HECTD4: variants seen among roughly 807,000 people sequenced by gnomAD.
HECTD4 encodes probable E3 ubiquitin-protein ligase HECTD4.
HECTD4 carries 114 observed loss-of-function variants against 471.5 expected under a neutral mutation model. The observed-to-expected ratio is 0.24, with a 90% CI of 0.21 to 0.28. The LOEUF (loss-of-function observed/expected upper bound fraction) is 0.28, where lower values mean the gene tolerates loss of function less well. Among genes scored for constraint, HECTD4 ranks in the 10% least tolerant of loss-of-function variants. HECTD4 has a pLI of 1.00. For synonymous variants in HECTD4, 2,012 were observed against 2,256.0 expected (o/e 0.89, Z 3.07); for missense variants, 3,866 against 5,651.5 (o/e 0.68, Z 10.13).
rs1282601126 is a variant in HECTD4, at chr12:112,239,459, C to T, written c.5106-223G>A. On this transcript the variant is annotated intron_variant, in intron 33 of 75. Coordinates refer to ENST00000682272, the MANE Select transcript of HECTD4 (RefSeq NM_001388303.1). The surrounding 1 kb of genome is among the most constrained non-coding windows in gnomAD (Gnocchi z 4.9). Reference sequence around the variant, plus strand: ...TGGTTTGTTTATATACAGCAAAAATCGATGGAATCAACTCAATGTTGCCAT... The same window carrying T: ...TGGTTTGTTTATATACAGCAAAAATTGATGGAATCAACTCAATGTTGCCAT... Among the ~76,000 whole-genome samples, 1 of 152,136 alleles carries T rather than the reference C, an allele frequency of 6.6e-6. No individual in the cohort carries two copies. The highest frequency in any genetic ancestry group is 6.5e-5 in the Admixed American group (1 of 15,270).
At chr12:112,346,352 A>G (rs2036149742) in intron 1 of HECTD4, among the ~76,000 whole-genome samples, 1 of 152,176 alleles carries the variant, frequency 6.6e-6, no homozygotes, top group Admixed American at 6.5e-5. Context: ...GGCATCCCAG[A>G]AATTCTTTTC....
At chr12:112,286,880 G>A (rs527788178) in intron 7 of HECTD4, among the ~76,000 whole-genome samples, 31 of 152,092 alleles carry the variant, frequency 2.0e-4, no homozygotes, top group African/African-American at 7.0e-4. Flanking sequence ...AGCTACACTC[G>A]CCTTCTGTCA....
intron 1 of HECTD4, among the ~76,000 whole-genome samples, chr12:112,365,823 G>A: frequency 7.1e-6 from 1 of 141,220 alleles, no homozygotes; most frequent in South Asian, 2.2e-4. Flanking sequence ...CCAGGCTGGA[G>A]TGCAGTGGAG....
In HECTD4 at chr12:112,163,685, C is replaced by T; in HGVS notation, c.12754G>A (p.Glu4252Lys). Residue 4252 changes from glutamate to lysine, a missense_variant, in exon 74 of 76, where the codon GAG (glutamate) becomes AAG (lysine). By Grantham distance (56) the Glu-to-Lys change is moderately conservative. Coordinates refer to ENST00000682272, the MANE Select transcript of HECTD4 (RefSeq NM_001388303.1). The surrounding 1 kb of genome is among the most constrained non-coding windows in gnomAD (Gnocchi z 8.2). ...AAAIRSLRLR[E>K]LQNVECVTAV... ...GTCACGCACTCCACATTCTGCAGCT[C>T]CCGCAGCCGCAGGCTCCGGATGGCT... 1 of 1,520,150 alleles carries T rather than the reference C, an allele frequency of 6.6e-7. No homozygotes were observed. The highest frequency in any genetic ancestry group is 8.8e-7 in the Non-Finnish European group (1 of 1,133,718). 94.2% of individuals were successfully genotyped at this position (1,520,150 alleles called of 1,614,324 possible). A position where few individuals can be genotyped will look rare whatever the true frequency, so the allele number is the denominator to read the frequency against.
At chr12:112,244,849 G>C (rs1386536893) in intron 29 of HECTD4, among the ~76,000 whole-genome samples, 1 of 151,922 alleles carries the variant, frequency 6.6e-6, no homozygotes. Context: ...CTTTCTATAA[G>C]ATATACTCCT....
intron 2 of HECTD4, among the ~76,000 whole-genome samples, chr12:112,317,442 C>T (rs879879803): frequency 3.9e-5 from 6 of 152,120 alleles, no homozygotes; most frequent in Admixed American, 2.0e-4. Flanking sequence ...TAACTAAGAA[C>T]TTCATAATTA....
chr12:112,195,180 C>A (rs978805706), intron 55 of HECTD4, 114 bp from the exon 56 acceptor site: 2 of 850,104 alleles, frequency 2.4e-6, no homozygotes, highest in Non-Finnish European at 3.6e-6. Flanking sequence ...TCTCTTCCAG[C>A]CTGATGTTCC....
chr12:112,317,493 G>C (rs1349856272), intron 2 of HECTD4, among the ~76,000 whole-genome samples: 1 of 152,142 alleles, frequency 6.6e-6, no homozygotes, highest in Non-Finnish European at 1.5e-5. Flanking sequence ...CTAAAAGAAA[G>C]AAGATCCCAA....
At chr12:112,285,484 C>T (rs2034732161) in intron 7 of HECTD4, among the ~76,000 whole-genome samples, 1 of 152,152 alleles carries the variant, frequency 6.6e-6, no homozygotes, top group South Asian at 2.1e-4. Context: ...ATTATCTACA[C>T]AGCACGTACT....
At chr12:112,271,958 G>T (rs1230349173) in intron 11 of HECTD4, among the ~76,000 whole-genome samples, 2 of 152,118 alleles carry the variant, frequency 1.3e-5, no homozygotes, top group African/African-American at 4.8e-5. Flanking sequence ...CATTTCTCCT[G>T]CATTGCATGG....
At chr12:112,199,084 C>T (rs746147327) in intron 55 of HECTD4, among the ~76,000 whole-genome samples, 4 of 152,092 alleles carry the variant, frequency 2.6e-5, no homozygotes, top group African/African-American at 4.8e-5. Context: ...AGCCGCCGGC[C>T]GCAGGAGCCC....
chr12:112,167,662 T>C, intron 71 of HECTD4, 124 bp from the exon 72 acceptor site: 1 of 1,036,678 alleles, frequency 9.6e-7, no homozygotes, highest in South Asian at 1.5e-5. Flanking sequence ...CTCCCAGAGC[T>C]TGCCCATCCA....
At chr12:112,248,625 G>C in intron 25 of HECTD4, 113 bp from the exon 26 acceptor site, 1 of 681,812 alleles carries the variant, frequency 1.5e-6, no homozygotes, top group Non-Finnish European at 2.3e-6. Flanking sequence ...CTGTCACCTA[G>C]GCTGCAGTTC....
intron 48 of HECTD4, 71 bp from the exon 49 acceptor site, chr12:112,212,721 A>T: frequency 7.7e-7 from 1 of 1,303,718 alleles, no homozygotes; most frequent in Non-Finnish European, 1.1e-6. Context: ...TTGCAACCGG[A>T]GTGTCACCCT....
At chr12:112,236,519 G>A (rs1415549246) in intron 35 of HECTD4, among the ~76,000 whole-genome samples, 4 of 152,126 alleles carry the variant, frequency 2.6e-5, no homozygotes, top group African/African-American at 7.2e-5. Context: ...TATGGGCCTC[G>A]TGGCTCACAC....
At chr12:112,281,651 T>A (rs753391918) in intron 8 of HECTD4, among the ~76,000 whole-genome samples, 1 of 152,192 alleles carries the variant, frequency 6.6e-6, no homozygotes, top group African/African-American at 2.4e-5. Context: ...TTACCTTTGA[T>A]ACAAAAGAAG....
chr12:112,186,571 C>T (rs976408118), intron 60 of HECTD4, among the ~76,000 whole-genome samples: 1 of 151,298 alleles, frequency 6.6e-6, no homozygotes, highest in Non-Finnish European at 1.5e-5. Context: ...TCCTGACCTA[C>T]CTCGTGATCC....
intron 60 of HECTD4, among the ~76,000 whole-genome samples, chr12:112,190,169 C>A (rs2032031689): frequency 6.6e-6 from 1 of 152,326 alleles, no homozygotes; most frequent in African/African-American, 2.4e-5. Flanking sequence ...CCACCATAAA[C>A]ATGTTGCTGT....
intron 1 of HECTD4, among the ~76,000 whole-genome samples, chr12:112,377,113 C>T (rs1418480618): frequency 2.0e-5 from 3 of 151,758 alleles, no homozygotes; most frequent in South Asian, 2.1e-4. Context: ...ATCTCTGTCT[C>T]GAACATAAAT....
Sources: gnomAD v4.1 joint callset for allele counts (sites outside exome capture counted in the v4.1 genomes callset) on GRCh38, gnomAD v4.1.1 for gene constraint, Gnocchi (gnomAD v3.1) non-coding constraint, MANE v1.5 for transcripts, NCBI Gene and HGNC (gene_info 2026-07-23, HGNC 2026-07-21) for gene names.